ADCY2: variants seen among roughly 807,000 people sequenced by gnomAD.
ADCY2 encodes adenylate cyclase 2.
ADCY2 carries 31 observed loss-of-function variants against 125.2 expected under a neutral mutation model. The ratio of observed to expected loss-of-function variants is 0.25; its 90% CI spans 0.19 to 0.33. The LOEUF (loss-of-function observed/expected upper bound fraction) is 0.33. Ranked by LOEUF, ADCY2 falls within the 10% of genes least tolerant of loss-of-function variation. The probability of loss-of-function intolerance (pLI) is 1.00; values close to 1 mark genes in which losing one functional copy is unlikely to be tolerated. For missense variants in ADCY2, 904 were observed against 1,418.2 expected, an observed-to-expected ratio of 0.64 and a Z score of 5.82; for synonymous variants, 512 against 548.4, an observed-to-expected ratio of 0.93 and a Z score of 0.93.
intron 2 of ADCY2, among the ~76,000 whole-genome samples, chr5:7,422,489 TGTGGTCA>T (rs1175508232): frequency 6.6e-6 from 1 of 152,168 alleles, no homozygotes; most frequent in African/African-American, 2.4e-5. Flanking sequence ...GAGCCATCAG[TGTGGTCA>T]GGAAGGATAG....
At position 7,598,261 on chromosome 5, in the gene ADCY2, C is replaced by T. The variant is rs950218748; in HGVS notation, c.571-27906C>T. On this transcript the variant is annotated intron_variant, in intron 3 of 24. Coordinates refer to ENST00000338316, the MANE Select transcript of ADCY2 (RefSeq NM_020546.3). The stretch of plus-strand genomic sequence containing the variant: ...GTGGGAGCAAGGAGGAGGGCAAAGC[C>T]TCGAGGCCAGACTCGTGGGTAACCT... Among the ~76,000 whole-genome samples the T allele has an allele frequency of 5.9e-5, 9 of 152,110 alleles. No homozygotes were observed. In the South Asian group the frequency reaches 8.3e-4, roughly 14 times the overall value.
intron 15 of ADCY2, among the ~76,000 whole-genome samples, chr5:7,750,101 A>G (rs569657922): frequency 1.1e-4 from 16 of 152,256 alleles, no homozygotes; most frequent in Admixed American, 1.0e-3. Flanking sequence ...TTATTTGACA[A>G]GTGTGATCCA....
At chr5:7,747,838 C>T (rs2126441315) in intron 15 of ADCY2, among the ~76,000 whole-genome samples, 1 of 152,338 alleles carries the variant, frequency 6.6e-6, no homozygotes, top group South Asian at 2.1e-4. Flanking sequence ...CTACTTCAGG[C>T]ACTTGAAAAA....
At chr5:7,510,132 T>C (rs1223973369) in intron 2 of ADCY2, among the ~76,000 whole-genome samples, 1 of 152,180 alleles carries the variant, frequency 6.6e-6, no homozygotes, top group Non-Finnish European at 1.5e-5. Context: ...TAAGTAGAAA[T>C]GAAATTTAAA....
chr5:7,699,472 A>G (rs1004621278), intron 7 of ADCY2, among the ~76,000 whole-genome samples: 1 of 152,122 alleles, frequency 6.6e-6, no homozygotes, highest in African/African-American at 2.4e-5. Flanking sequence ...TGTTCTGCCT[A>G]CTGGCATTAA....
intron 2 of ADCY2, among the ~76,000 whole-genome samples, chr5:7,474,968 G>A (rs1742466627): frequency 6.6e-6 from 1 of 152,220 alleles, no homozygotes; most frequent in Non-Finnish European, 1.5e-5. Flanking sequence ...GGGTATCCCT[G>A]GACCTGGGCC....
chr5:7,535,831 A>G (rs1353961257), intron 3 of ADCY2, among the ~76,000 whole-genome samples: 1 of 152,198 alleles, frequency 6.6e-6, no homozygotes, highest in Non-Finnish European at 1.5e-5. Context: ...TGATATTAAC[A>G]TGACCCATAG....
intron 2 of ADCY2, among the ~76,000 whole-genome samples, chr5:7,453,791 G>A (rs1003887918): frequency 3.3e-5 from 5 of 152,224 alleles, no homozygotes; most frequent in African/African-American, 1.2e-4. Flanking sequence ...GCTCTTGGGA[G>A]GGGAGCATGC....
intron 3 of ADCY2, among the ~76,000 whole-genome samples, chr5:7,622,928 T>C (rs2126654834): frequency 6.6e-6 from 1 of 152,138 alleles, no homozygotes; most frequent in East Asian, 1.9e-4. Flanking sequence ...CCTATGGCAA[T>C]AAAGGAAAGA....
rs57381383 is a variant in ADCY2 at position 7,512,218 on chromosome 5, CAAAAAAAAAAA to C, written c.409-8508_409-8498del. ...CCTGGGCAGTAGAGCATGACTCCAT[CAAAAAAAAAAA>C]AAAAAAAAAAAGAAAACCATCAGAG... is the stretch of plus-strand genomic sequence containing the variant. On this transcript the variant is annotated intron_variant, in intron 2 of 24. Coordinates refer to ENST00000338316, the MANE Select transcript of ADCY2 (RefSeq NM_020546.3). Among the ~76,000 whole-genome samples the C allele has an allele frequency of 6.7e-4, 39 of 57,922 alleles. 2 individuals carry two copies. The highest frequency in any genetic ancestry group is 9.0e-4 in the Non-Finnish European group (32 of 35,446). The allele number at this position is 57,922 out of a possible 152,430, so 38.0% of individuals were successfully genotyped here. A position where few individuals can be genotyped will look rare whatever the true frequency, so the allele number is the denominator to read the frequency against.
At chr5:7,741,844 G>A (rs113259942) in intron 14 of ADCY2, among the ~76,000 whole-genome samples, 1,680 of 141,430 alleles carry the variant, frequency 0.012, 15 homozygotes, top group African/African-American at 0.018. Context: ...CCTCATCATC[G>A]TCATCACCAT....
intron 4 of ADCY2, among the ~76,000 whole-genome samples, chr5:7,660,655 A>G (rs184362519): frequency 7.9e-5 from 12 of 152,248 alleles, no homozygotes; most frequent in Admixed American, 2.0e-4. Context: ...TGGAGGTAGA[A>G]TTCTTTCTTC....
intron 24 of ADCY2, among the ~76,000 whole-genome samples, chr5:7,823,918 G>A (rs924461408): frequency 3.3e-5 from 5 of 152,094 alleles, no homozygotes; most frequent in African/African-American, 1.2e-4. Flanking sequence ...CACCTACACC[G>A]GCTCCATGAC....
At chr5:7,648,786 T>G (rs1349572548) in intron 4 of ADCY2, among the ~76,000 whole-genome samples, 1 of 152,220 alleles carries the variant, frequency 6.6e-6, no homozygotes, top group East Asian at 1.9e-4. Flanking sequence ...ATTTGTGAAG[T>G]GAGTCATTTC....
intron 3 of ADCY2, among the ~76,000 whole-genome samples, chr5:7,608,385 G>A (rs1737457857): frequency 6.6e-6 from 1 of 152,042 alleles, no homozygotes; most frequent in Admixed American, 6.6e-5. Context: ...AGATCAGCCT[G>A]GGAAACACAG....
At chr5:7,763,177 T>C (rs1419499638) in intron 16 of ADCY2, among the ~76,000 whole-genome samples, 1 of 151,940 alleles carries the variant, frequency 6.6e-6, no homozygotes, top group East Asian at 1.9e-4. Flanking sequence ...CACTGCAAGC[T>C]CCGCCTCCCG....
At chr5:7,545,364 G>T (rs563872945) in intron 3 of ADCY2, among the ~76,000 whole-genome samples, 4 of 152,158 alleles carry the variant, frequency 2.6e-5, no homozygotes, top group Non-Finnish European at 5.9e-5. Context: ...ACAAGGAAAA[G>T]AAAAATAATT....
chr5:7,494,249 TC>T (rs913851327), intron 2 of ADCY2, among the ~76,000 whole-genome samples: 1 of 152,056 alleles, frequency 6.6e-6, no homozygotes, highest in Non-Finnish European at 1.5e-5. Flanking sequence ...TGCAACCCAG[TC>T]TCACCAGGGC....
At chr5:7,531,304 G>C (rs568092012) in intron 3 of ADCY2, among the ~76,000 whole-genome samples, 7 of 152,222 alleles carry the variant, frequency 4.6e-5, no homozygotes, top group African/African-American at 7.2e-5. Context: ...ACTCTGACCA[G>C]CTTCATGGTA....
Sources: allele counts gnomAD v4.1 joint callset (sites outside exome capture counted in the v4.1 genomes callset), GRCh38; gene constraint gnomAD v4.1.1; transcripts MANE v1.5; gene names NCBI Gene and HGNC (gene_info 2026-07-23, HGNC 2026-07-21).